TACC1: variants seen among roughly 807,000 people sequenced by gnomAD.
TACC1 encodes the protein transforming acidic coiled-coil-containing protein 1.
Under a neutral mutation model 84.4 loss-of-function variants are expected in TACC1, and 48 were observed. The ratio of observed to expected loss-of-function variants is 0.57; its 90% CI spans 0.45 to 0.72. TACC1 has a LOEUF of 0.72. Ranked by LOEUF, TACC1 falls within the 30% of genes least tolerant of loss-of-function variation. TACC1 has a pLI of 0.00. For synonymous variants in TACC1, 372 were observed against 376.3 expected (o/e 0.99, Z 0.13); for missense variants, 920 against 973.0 (o/e 0.95, Z 0.72).
chr8:38,843,828 A>C (rs1470563036), intron 11 of TACC1, among the ~76,000 whole-genome samples: 1 of 152,200 alleles, frequency 6.6e-6, no homozygotes, highest in Non-Finnish European at 1.5e-5. Flanking sequence ...CCTGTTAGAC[A>C]TTAAAGTTAA....
At chr8:38,824,079 TC>T (rs1827496987) in intron 3 of TACC1, 1 of 1,270,068 alleles carries the variant, frequency 7.9e-7, no homozygotes, top group Admixed American at 1.9e-5. Flanking sequence ...GTTTCCTCTC[TC>T]CCCTCCCCCA....
At chr8:38,783,106 CTATATATATATA>C (rs72048692), upstream of TACC1, among the ~76,000 whole-genome samples, 91 of 87,458 alleles carry the variant, frequency 1.0e-3, 1 homozygote, top group African/African-American at 1.7e-3. Flanking sequence ...ATCTATCTAT[CTATATATATATA>C]TATATATATA....
At chr8:38,842,889 A>G (rs1037052067) in intron 10 of TACC1, among the ~76,000 whole-genome samples, 1 of 152,268 alleles carries the variant, frequency 6.6e-6, no homozygotes, top group African/African-American at 2.4e-5. Flanking sequence ...ATTTAGATGT[A>G]AATGGGCCTG....
chr8:38,758,251 G>C (rs1476595148), intron 3 of TACC1, among the ~76,000 whole-genome samples: 1 of 152,200 alleles, frequency 6.6e-6, no homozygotes, highest in Non-Finnish European at 1.5e-5. Context: ...CACAAAAGCA[G>C]CCTGGACCGC....
intron 1 of TACC1, chr8:38,788,071 AC>A: frequency 3.2e-6 from 1 of 308,210 alleles, no homozygotes; most frequent in Non-Finnish European, 6.0e-6. Context: ...CACTGATCTA[AC>A]CCAGTGCAAC....
intron 3 of TACC1, among the ~76,000 whole-genome samples, chr8:38,756,234 A>G (rs1810022309): frequency 6.6e-6 from 1 of 152,048 alleles, no homozygotes; most frequent in African/African-American, 2.4e-5. Context: ...TCCATCACCA[A>G]TTGTGAGCGC....
At position 38,848,869 on chromosome 8, in the gene TACC1, T is replaced by G. The variant is rs1210200651; in HGVS notation, c.*846T>G. Reference sequence around the variant, plus strand: ...GCATGAACGGCAATATGGGACTCCCTCCAAGCTAGGGTTTGGCAAGTCTGC... The same window carrying G: ...GCATGAACGGCAATATGGGACTCCCGCCAAGCTAGGGTTTGGCAAGTCTGC... On this transcript the variant is annotated 3_prime_UTR_variant, in exon 13 of 13. Transcript: ENST00000317827. 1 of 152,178 alleles carries G rather than the reference T, an allele frequency of 6.6e-6. No individual in the cohort carries two copies. Among genetic ancestry groups the G allele is most frequent in the Admixed American group, 6.5e-5 (1 of 15,276 alleles). 9.4% of individuals were successfully genotyped at this position (152,178 alleles called of 1,614,324 possible). A position where few individuals can be genotyped will look rare whatever the true frequency, so the allele number is the denominator to read the frequency against.
At chr8:38,840,356 G>C in intron 9 of TACC1, 89 bp downstream of exon 9, 1 of 1,201,534 alleles carries the variant, frequency 8.3e-7, no homozygotes, top group Non-Finnish European at 1.2e-6. Context: ...TGTAAGCTAG[G>C]TAGCTTATAA....
chr8:38,741,193 T>C (rs1434962217), intron 1 of TACC1, among the ~76,000 whole-genome samples: 3 of 151,804 alleles, frequency 2.0e-5, no homozygotes, highest in Admixed American at 2.0e-4. Context: ...TCTCCCTCTG[T>C]TGTCCAGGTT....
intron 3 of TACC1, among the ~76,000 whole-genome samples, chr8:38,756,479 A>T (rs1474330969): frequency 6.6e-6 from 1 of 152,008 alleles, no homozygotes; most frequent in Non-Finnish European, 1.5e-5. Flanking sequence ...ATGGGTGAGG[A>T]AGGGCATGAG....
intron 3 of TACC1, among the ~76,000 whole-genome samples, chr8:38,764,870 G>A (rs1243198389): frequency 6.6e-6 from 1 of 152,138 alleles, no homozygotes; most frequent in Non-Finnish European, 1.5e-5. Context: ...AGGCCAAGGC[G>A]GGTGGATCAC....
At chr8:38,813,204 G>A (rs1469507600) in intron 2 of TACC1, among the ~76,000 whole-genome samples, 3 of 152,154 alleles carry the variant, frequency 2.0e-5, no homozygotes, top group East Asian at 1.9e-4. Context: ...CTCTAAGGAC[G>A]TCCATTTTTG....
intron 1 of TACC1, among the ~76,000 whole-genome samples, chr8:38,740,144 G>A: frequency 6.6e-6 from 1 of 152,214 alleles, no homozygotes; most frequent in East Asian, 1.9e-4. Flanking sequence ...AAATATCTCT[G>A]AGGATTCCAA....
At chr8:38,779,392 C>A (rs566580990) in intron 3 of TACC1, among the ~76,000 whole-genome samples, 1 of 152,328 alleles carries the variant, frequency 6.6e-6, no homozygotes, top group East Asian at 1.9e-4. Context: ...TGCCCAGTAA[C>A]ATGGGCTCCC....
At chr8:38,804,703 A>G (rs1429192612) in intron 2 of TACC1, among the ~76,000 whole-genome samples, 1 of 152,146 alleles carries the variant, frequency 6.6e-6, no homozygotes, top group Non-Finnish European at 1.5e-5. Context: ...CCTAGGCTTA[A>G]GCGATCCTCC....
In TACC1 at chr8:38,772,702, A is replaced by G. The variant is rs1258835215; in HGVS notation, c.27-16002A>G. Reference sequence around the variant, plus strand: ...ATACTCACCTCTAGCAAAAGATAATATGTATAATTAAATCAATAAATATTA... The same window carrying G: ...ATACTCACCTCTAGCAAAAGATAATGTGTATAATTAAATCAATAAATATTA... On this transcript the variant is annotated intron_variant, in intron 3 of 14. Transcript: ENST00000518415. Among the ~76,000 whole-genome samples, 4 of 152,298 alleles carry G rather than the reference A, an allele frequency of 2.6e-5. No homozygotes were observed. In the East Asian group the frequency reaches 5.8e-4, roughly 22 times the overall value.
intron 11 of TACC1, among the ~76,000 whole-genome samples, chr8:38,844,258 A>G (rs1831802245): frequency 6.6e-6 from 1 of 151,916 alleles, no homozygotes; most frequent in African/African-American, 2.4e-5. Flanking sequence ...CTGCAACCTC[A>G]GTCTCCCGGG....
intron 3 of TACC1, among the ~76,000 whole-genome samples, chr8:38,762,179 G>A (rs982659419): frequency 6.6e-6 from 1 of 152,176 alleles, no homozygotes; most frequent in Admixed American, 6.5e-5. Context: ...ATACAACTCC[G>A]TGGCATTAAG....
intron 1 of TACC1, among the ~76,000 whole-genome samples, chr8:38,740,907 T>C (rs1806929227): frequency 6.6e-6 from 1 of 152,240 alleles, no homozygotes; most frequent in South Asian, 2.1e-4. Flanking sequence ...GTATTTAACT[T>C]GCTTAAGGTT....
Sources: allele counts gnomAD v4.1 joint callset (sites outside exome capture counted in the v4.1 genomes callset), GRCh38; gene constraint gnomAD v4.1.1; transcripts MANE v1.5; gene names NCBI Gene and HGNC (gene_info 2026-07-23, HGNC 2026-07-21).